The following PCDH9 variants were observed in gnomAD, a reference collection of about 807,000 sequenced individuals.
PCDH9 encodes the protein protocadherin-9.
Under a neutral mutation model 70.6 loss-of-function variants are expected in PCDH9, and 24 were observed. That is an observed-to-expected ratio of 0.34 (90% CI 0.25 to 0.48). The LOEUF (loss-of-function observed/expected upper bound fraction) is 0.48. Ranked by LOEUF, PCDH9 falls within the 20% of genes least tolerant of loss-of-function variation. The probability of loss-of-function intolerance (pLI) is 0.99; values close to 1 mark genes in which losing one functional copy is unlikely to be tolerated. For missense variants in PCDH9, 1,281 were observed against 1,503.6 expected, an observed-to-expected ratio of 0.85 and a Z score of 2.45; for synonymous variants, 562 against 558.5, an observed-to-expected ratio of 1.01 and a Z score of -0.09.
chr13:67,165,096 AAATT>A (rs1446560507), intron 2 of PCDH9, among the ~76,000 whole-genome samples: 1 of 152,196 alleles, frequency 6.6e-6, no homozygotes, highest in African/African-American at 2.4e-5. Flanking sequence ...ATAAAAGAAT[AAATT>A]AATTAAAAAT....
chr13:66,978,484 C>A (rs1487629998), intron 2 of PCDH9: 1 of 151,824 alleles, frequency 6.6e-6, no homozygotes, highest in African/African-American at 2.4e-5. Context: ...ACCTATTGTG[C>A]AGATATATGT....
chr13:67,110,179 A>C (rs1269858178), intron 2 of PCDH9, among the ~76,000 whole-genome samples: 1 of 151,878 alleles, frequency 6.6e-6, no homozygotes, highest in East Asian at 1.9e-4. Flanking sequence ...ACTGCTATGC[A>C]AAAGTGTTAA....
At chr13:67,051,834 G>A (rs1461915001) in intron 2 of PCDH9, among the ~76,000 whole-genome samples, 1 of 151,998 alleles carries the variant, frequency 6.6e-6, no homozygotes, top group African/African-American at 2.4e-5. Flanking sequence ...TACATCTTTG[G>A]AAGATGTAAT....
Position 67,228,090 on chromosome 13 carries a change from G to A in PCDH9, c.351C>T (p.Ile117=). 2 of 1,614,040 alleles carry A rather than the reference G, an allele frequency of 1.2e-6. No individual in the cohort carries two copies. The highest frequency in any genetic ancestry group is 1.7e-6 in the Non-Finnish European group (2 of 1,179,994). ...TCAGCCTGAAGAAATCATTGGGGAG[G>A]ATCACCACCTCAAGTTCAAAGAAAC... ...NECFFELEVV[I]LPNDFFRLIK... Residue 117 remains isoleucine, a synonymous_variant, in exon 2 of 5, where the codon ATC becomes ATT. Transcript: ENST00000377865.
intron 3 of PCDH9, among the ~76,000 whole-genome samples, chr13:66,702,884 T>A (rs1358594422): frequency 2.6e-5 from 4 of 152,136 alleles, no homozygotes; most frequent in Non-Finnish European, 2.9e-5. Flanking sequence ...AATGTTTCCA[T>A]CTCCAATTTC....
chr13:66,575,555 C>A (rs537844016), intron 4 of PCDH9, among the ~76,000 whole-genome samples: 2 of 152,124 alleles, frequency 1.3e-5, no homozygotes, highest in African/African-American at 2.4e-5. Flanking sequence ...TCAGTGAGTA[C>A]GCTCCAAACA....
chr13:66,394,944 T>C (rs564610015), intron 4 of PCDH9, among the ~76,000 whole-genome samples: 1 of 152,304 alleles, frequency 6.6e-6, no homozygotes, highest in South Asian at 2.1e-4. Context: ...GATGGGAGTA[T>C]ATATATTTTA....
chr13:66,349,339 C>T (rs1025292875), intron 4 of PCDH9, among the ~76,000 whole-genome samples: 10 of 152,158 alleles, frequency 6.6e-5, no homozygotes, highest in African/African-American at 1.7e-4. Flanking sequence ...TCTTCTGTCT[C>T]GGTTTCTATT....
intron 4 of PCDH9, among the ~76,000 whole-genome samples, chr13:66,396,457 C>T (rs1404396267): frequency 1.3e-5 from 2 of 152,174 alleles, no homozygotes; most frequent in Non-Finnish European, 2.9e-5. Flanking sequence ...CAAACTTTCA[C>T]GTACCAGCCA....
chr13:66,810,495 T>G (rs1379125635), intron 3 of PCDH9, among the ~76,000 whole-genome samples: 1 of 152,012 alleles, frequency 6.6e-6, no homozygotes, highest in East Asian at 1.9e-4. Flanking sequence ...GCTTATAATA[T>G]TCTTGGGAAT....
intron 4 of PCDH9, among the ~76,000 whole-genome samples, chr13:66,434,296 G>A (rs1435504168): frequency 6.6e-6 from 1 of 151,694 alleles, no homozygotes; most frequent in Non-Finnish European, 1.5e-5. Flanking sequence ...TAAGGACCTG[G>A]GTTTTATGTA....
intron 2 of PCDH9, among the ~76,000 whole-genome samples, chr13:67,169,792 A>G (rs1230170001): frequency 6.6e-6 from 1 of 152,238 alleles, no homozygotes; most frequent in Non-Finnish European, 1.5e-5. Context: ...AAGTAAATTA[A>G]TCTTTTAGCC....
intron 3 of PCDH9, among the ~76,000 whole-genome samples, chr13:66,650,079 GAGA>G (rs2077829424): frequency 6.6e-6 from 1 of 151,604 alleles, no homozygotes; most frequent in Admixed American, 6.6e-5. Flanking sequence ...AAAGAAAGAA[GAGA>G]AGGCCACAAA....
chr13:67,210,940 T>G (rs2089455847), intron 2 of PCDH9: 1 of 151,958 alleles, frequency 6.6e-6, no homozygotes, highest in South Asian at 2.1e-4. Flanking sequence ...ATGCCACATT[T>G]TTGATTTTAT....
chr13:66,335,958 C>T (rs2138131435), intron 4 of PCDH9, among the ~76,000 whole-genome samples: 1 of 151,906 alleles, frequency 6.6e-6, no homozygotes, highest in South Asian at 2.1e-4. Context: ...TGGCAGAGCA[C>T]ACACTGGAAA....
chr13:66,732,203 G>A (rs79371581), intron 3 of PCDH9, among the ~76,000 whole-genome samples: 2 of 151,862 alleles, frequency 1.3e-5, no homozygotes, highest in African/African-American at 4.8e-5. Context: ...TGTGTAAGAT[G>A]TGTCAGGATC....
intron 3 of PCDH9, among the ~76,000 whole-genome samples, chr13:66,696,946 G>A (rs4884690): frequency 0.97 from 147,429 of 151,780 alleles, 71,763 homozygotes; most frequent in East Asian, 1. Flanking sequence ...TACTGTATAT[G>A]TATAATCCAG....
intron 3 of PCDH9, among the ~76,000 whole-genome samples, chr13:66,829,667 G>A (rs968037428): frequency 8.2e-6 from 1 of 122,022 alleles, no homozygotes; most frequent in Non-Finnish European, 1.6e-5. Flanking sequence ...GCAGTGAGCC[G>A]AGATCGCGCC....
chr13:66,903,264 G>A (rs905546707), intron 3 of PCDH9, among the ~76,000 whole-genome samples: 2 of 151,316 alleles, frequency 1.3e-5, no homozygotes. Flanking sequence ...TTCATTCCAT[G>A]TTACTAACAT....
Sources: gnomAD v4.1 joint callset for allele counts (sites outside exome capture counted in the v4.1 genomes callset) on GRCh38, gnomAD v4.1.1 for gene constraint, MANE v1.5 for transcripts, NCBI Gene and HGNC (gene_info 2026-07-23, HGNC 2026-07-21) for gene names.